VWA8: variants seen among roughly 807,000 people sequenced by gnomAD.
VWA8 encodes von Willebrand factor A domain containing 8.
In VWA8, 221 loss-of-function variants were observed where a neutral mutation model predicts 241.5. The ratio of observed to expected loss-of-function variants is 0.91; its 90% CI spans 0.82 to 1.02. VWA8 has a LOEUF of 1.02. Among genes scored for constraint, VWA8 ranks in the 50% least tolerant of loss-of-function variants. The pLI, the probability that VWA8 is intolerant of heterozygous loss-of-function variation, is 0.00. For synonymous variants in VWA8, 852 were observed against 827.1 expected, an observed-to-expected ratio of 1.03 and a Z score of -0.52; for missense variants, 2,322 against 2,328.7, an observed-to-expected ratio of 1.00 and a Z score of 0.06.
intron 1 of VWA8, among the ~76,000 whole-genome samples, chr13:41,953,520 A>G (rs1878224114): frequency 6.6e-6 from 1 of 152,228 alleles, no homozygotes; most frequent in Non-Finnish European, 1.5e-5. Flanking sequence ...GAATTTAAAG[A>G]TGAGACCAGG....
At position 41,696,569 on chromosome 13, in the gene VWA8, T is replaced by C. The variant is rs563879287; in HGVS notation, c.3564+2502A>G. Among the ~76,000 whole-genome samples, 7 of 152,328 alleles carry C rather than the reference T, an allele frequency of 4.6e-5. No individual in the cohort carries two copies. In the South Asian group the frequency reaches 1.5e-3, roughly 32 times the overall value. ...AATCCAATATGCTATGAATCTCAGT[T>C]CTGCTATGTACTTGCCAGACAAGTT... On this transcript the variant is annotated intron_variant, in intron 29 of 44. Coordinates refer to ENST00000379310, the MANE Select transcript of VWA8 (RefSeq NM_015058.2).
chr13:41,935,139 G>A (rs775229869), intron 2 of VWA8, among the ~76,000 whole-genome samples: 2 of 152,066 alleles, frequency 1.3e-5, no homozygotes, highest in Admixed American at 1.3e-4. Context: ...TGACATGCAC[G>A]AAAGGAGCAA....
intron 21 of VWA8, among the ~76,000 whole-genome samples, chr13:41,732,819 C>A (rs982393554): frequency 3.3e-5 from 5 of 152,158 alleles, no homozygotes; most frequent in African/African-American, 9.7e-5. Flanking sequence ...ATGTTAAGAA[C>A]CTCCTTACAT....
At chr13:41,668,253 A>G (rs4421892) in intron 37 of VWA8, among the ~76,000 whole-genome samples, 5,253 of 152,206 alleles carry the variant, frequency 0.035, 300 homozygotes, top group African/African-American at 0.12. Flanking sequence ...TATCTTGCTC[A>G]ACAGGAACCA....
intron 40 of VWA8, 103 bp from the exon 41 acceptor site, chr13:41,590,868 GT>G (rs1032526295): frequency 7.0e-7 from 1 of 1,429,600 alleles, no homozygotes. Flanking sequence ...GATCTTTTCA[GT>G]AAGTGATGGT....
At chr13:41,671,193 G>A in intron 36 of VWA8, 46 bp from the exon 37 acceptor site, 1 of 1,595,590 alleles carries the variant, frequency 6.3e-7, no homozygotes, top group Non-Finnish European at 8.6e-7. Context: ...CAAAAATAAA[G>A]CAGGAGGGAT....
At chr13:41,572,176 G>A (rs1432045014) in intron 43 of VWA8, among the ~76,000 whole-genome samples, 2 of 151,386 alleles carry the variant, frequency 1.3e-5, no homozygotes, top group Non-Finnish European at 3.0e-5. Flanking sequence ...GGAGGGAGGT[G>A]GGGGGTCAGC....
At chr13:41,769,985 A>G (rs965068386) in intron 20 of VWA8, among the ~76,000 whole-genome samples, 1 of 152,232 alleles carries the variant, frequency 6.6e-6, no homozygotes, top group African/African-American at 2.4e-5. Context: ...GAAGAAAATA[A>G]GATTACTTCT....
chr13:41,795,778 A>G (rs115890252), intron 17 of VWA8, among the ~76,000 whole-genome samples: 23,399 of 152,082 alleles, frequency 0.15, 1,898 homozygotes, highest in East Asian at 0.19. Context: ...GGAATAACAC[A>G]CACTGGAGCC....
chr13:41,761,120 A>T lies in VWA8; in HGVS notation c.2426+8T>A. On this transcript the variant is annotated splice_region_variant and intron_variant, in intron 21 of 44. Transcript: ENST00000379310. ...ATTTTTAAGAGGTTGTGGGTCTAAT[A>T]GTCTTACCTGTGTAGCTGAATATAT... 3.1e-6 allele frequency: 5 copies of T among 1,609,836 alleles called. No individual in the cohort carries two copies. The highest frequency in any genetic ancestry group is 4.2e-6 in the Non-Finnish European group (5 of 1,177,550).
intron 12 of VWA8, 112 bp downstream of exon 12, chr13:41,865,624 C>T: frequency 8.4e-7 from 1 of 1,183,850 alleles, no homozygotes; most frequent in Non-Finnish European, 1.2e-6. Context: ...TATTTTGGTT[C>T]TTTACCTATA....
intron 21 of VWA8, among the ~76,000 whole-genome samples, chr13:41,748,247 A>G (rs2045625545): frequency 6.6e-6 from 1 of 152,118 alleles, no homozygotes; most frequent in Non-Finnish European, 1.5e-5. Flanking sequence ...TTTGGTTGGT[A>G]AGCTATTAAT....
chr13:41,652,379 ATTAC>A (rs1320799009), intron 37 of VWA8, among the ~76,000 whole-genome samples: 1 of 152,192 alleles, frequency 6.6e-6, no homozygotes, highest in African/African-American at 2.4e-5. Flanking sequence ...GCCTGGACAA[ATTAC>A]TTACTCCCAA....
intron 17 of VWA8, among the ~76,000 whole-genome samples, chr13:41,807,339 C>G (rs1566465148): frequency 6.6e-6 from 1 of 152,000 alleles, no homozygotes; most frequent in South Asian, 2.1e-4. Context: ...ACTTGTTCTA[C>G]AAGGCCACTA....
chr13:41,623,213 G>A (rs1239824577), intron 37 of VWA8, among the ~76,000 whole-genome samples: 1 of 152,042 alleles, frequency 6.6e-6, no homozygotes, highest in Admixed American at 6.6e-5. Context: ...CCTGCCTTGG[G>A]ACACAGTTGA....
At chr13:41,632,658 C>G (rs1404561220) in intron 37 of VWA8, among the ~76,000 whole-genome samples, 1 of 152,128 alleles carries the variant, frequency 6.6e-6, no homozygotes, top group Non-Finnish European at 1.5e-5. Context: ...CAGGATGCTT[C>G]CTACAACTGT....
Position 41,839,265 on chromosome 13 carries a change from T to C in VWA8, c.1426-5734A>G, listed in dbSNP as rs556579655. ...ATGACCGGTGATGATGAGCTTTTTTTCATATGTCTGTTGGCTGCATAAATG... is the reference window on the plus strand; with the variant it reads ...ATGACCGGTGATGATGAGCTTTTTTCCATATGTCTGTTGGCTGCATAAATG... On this transcript the variant is annotated intron_variant, in intron 12 of 44. Transcript: ENST00000379310. 1.8e-4 allele frequency among the ~76,000 whole-genome samples: 27 copies of C among 152,352 alleles called. No individual in the cohort carries two copies. In the South Asian group the frequency reaches 5.4e-3, roughly 30 times the overall value.
At chr13:41,771,578 T>TA (rs1457924895) in intron 20 of VWA8, among the ~76,000 whole-genome samples, 2 of 152,136 alleles carry the variant, frequency 1.3e-5, no homozygotes, top group Admixed American at 1.3e-4. Flanking sequence ...GACTTTTTTT[T>TA]ATTATTATTT....
intron 12 of VWA8, among the ~76,000 whole-genome samples, chr13:41,847,342 C>A (rs1246202015): frequency 6.6e-6 from 1 of 152,152 alleles, no homozygotes; most frequent in African/African-American, 2.4e-5. Flanking sequence ...GCATCAAAAA[C>A]GCTTTCTCTA....
Sources: gnomAD v4.1 joint callset for allele counts (sites outside exome capture counted in the v4.1 genomes callset) on GRCh38, gnomAD v4.1.1 for gene constraint, MANE v1.5 for transcripts, NCBI Gene and HGNC (gene_info 2026-07-23, HGNC 2026-07-21) for gene names.